The following CCN4 variants were observed in gnomAD, a reference collection of about 807,000 sequenced individuals.
CCN4 encodes the protein CCN family member 4.
In CCN4, 30 loss-of-function variants were observed where a neutral mutation model predicts 36.7. The observed-to-expected ratio is 0.82, with a 90% CI of 0.61 to 1.11. CCN4 has a LOEUF of 1.11. Among genes scored for constraint, CCN4 ranks in the 50% least tolerant of loss-of-function variants. The pLI is 0.00. For synonymous variants in CCN4, 191 were observed against 195.4 expected, an observed-to-expected ratio of 0.98 and a Z score of 0.19; for missense variants, 505 against 504.9, an observed-to-expected ratio of 1.00 and a Z score of 0.00.
intron 1 of CCN4, among the ~76,000 whole-genome samples, chr8:133,197,133 T>C (rs536417146): frequency 6.6e-6 from 1 of 152,034 alleles, no homozygotes; most frequent in Admixed American, 6.6e-5. Context: ...AGGTGAGATG[T>C]GTATCTTACT....
rs549546228 is a variant in CCN4, at chr8:133,230,557, T to C, written c.*2847T>C. ...CTGGAAAAGACCTGAATGACACCTA[T>C]TGGAGAATTACATCTACAAGGGGCT... On this transcript the variant is annotated 3_prime_UTR_variant, in exon 5 of 5. Transcript: ENST00000250160. 1.3e-5 allele frequency: 2 copies of C among 152,308 alleles called. No homozygotes were observed. Among genetic ancestry groups the C allele is most frequent in the South Asian group, 2.1e-4 (1 of 4,824 alleles). 9.4% of individuals were successfully genotyped at this position (152,308 alleles called of 1,614,324 possible).
intron 1 of CCN4, among the ~76,000 whole-genome samples, chr8:133,202,235 C>T (rs1853612703): frequency 1.3e-5 from 2 of 152,200 alleles, no homozygotes; most frequent in Non-Finnish European, 2.9e-5. Context: ...CCCTTAAGTT[C>T]TTCACCTCCC....
intron 1 of CCN4, among the ~76,000 whole-genome samples, chr8:133,191,601 C>G (rs552643680): frequency 6.6e-6 from 1 of 152,054 alleles, no homozygotes; most frequent in African/African-American, 2.4e-5. Flanking sequence ...CGTAAAGCGA[C>G]GAAGTTGTTA....
At chr8:133,202,610 C>T (rs1399537638) in intron 1 of CCN4, among the ~76,000 whole-genome samples, 2 of 152,232 alleles carry the variant, frequency 1.3e-5, no homozygotes, top group Non-Finnish European at 1.5e-5. Context: ...AAACCTTCTA[C>T]ATCCCATAAC....
rs368398252 is a variant in CCN4, at chr8:133,227,499, C to A, written c.893C>A (p.Pro298His). ...TGCATCAGCACACGCTCCTATCAAC[C>A]CAAGTACTGTGGAGTTTGCATGGAC... ...AGCISTRSYQ[P>H]KYCGVCMDNR... Residue 298 changes from proline (P) to histidine (H), a missense_variant, in exon 5 of 5, where the codon CCC becomes CAC. Physicochemically the swap from Pro to His is moderately conservative, Grantham distance 77. Coordinates refer to ENST00000250160, the MANE Select transcript of CCN4 (RefSeq NM_003882.4). The A allele has an allele frequency of 1.9e-6, 3 of 1,614,088 alleles. No homozygotes were observed. The African/African-American group carries it at 4.0e-5, about 22-fold the overall frequency.
At position 133,213,053 on chromosome 8, in the gene CCN4, T is replaced by C; in HGVS notation, c.259T>C (p.Cys87Arg). 1.2e-6 allele frequency: 2 copies of C among 1,614,136 alleles called. No homozygotes were observed. The highest frequency in any genetic ancestry group is 2.2e-5 in the East Asian group (1 of 44,870). The change falls in exon 2 of 5, where the codon TGC (cysteine) becomes CGC (arginine). Residue 87 changes from cysteine to arginine, a missense_variant. Physicochemically the swap from Cys to Arg is radical, Grantham distance 180. Transcript: ENST00000250160. ...KMCAQQLGDN[C>R]TEAAICDPHR... ...GTGCGCTCAGCAGCTTGGGGACAACTGCACGGAGGCTGCCATCTGTGACCC... is the reference window on the plus strand; with the variant it reads ...GTGCGCTCAGCAGCTTGGGGACAACCGCACGGAGGCTGCCATCTGTGACCC...
rs1304196659 is a variant in CCN4 at position 133,229,862 on chromosome 8, G to T, written c.*2152G>T. 1.3e-5 allele frequency: 2 copies of T among 152,232 alleles called. No homozygotes were observed. The highest frequency in any genetic ancestry group is 3.8e-4 in the East Asian group (2 of 5,202). The allele number at this position is 152,232 out of a possible 1,614,324, so 9.4% of individuals were successfully genotyped here. A position where few individuals can be genotyped will look rare whatever the true frequency, so the allele number is the denominator to read the frequency against. On this transcript the variant is annotated 3_prime_UTR_variant, in exon 5 of 5. Transcript: ENST00000250160. ...TATACATATATTTGTGTATGCGTAT[G>T]CAAGAATTCTTGTATAAAGAGAATT... is the stretch of plus-strand genomic sequence containing the variant.
chr8:133,219,671 A>G (rs1030004307), intron 2 of CCN4, among the ~76,000 whole-genome samples: 1 of 152,250 alleles, frequency 6.6e-6, no homozygotes, highest in Non-Finnish European at 1.5e-5. Flanking sequence ...AAAATATAGT[A>G]ATTCTCGATC....
chr8:133,216,295 C>T (rs1854319388), intron 2 of CCN4, among the ~76,000 whole-genome samples: 1 of 152,230 alleles, frequency 6.6e-6, no homozygotes, highest in East Asian at 1.9e-4. Flanking sequence ...TAAAGATTTG[C>T]ATGTAATTAG....
intron 3 of CCN4, among the ~76,000 whole-genome samples, chr8:133,223,122 C>T (rs746134659): frequency 7.2e-5 from 11 of 152,078 alleles, no homozygotes; most frequent in South Asian, 2.1e-4. Flanking sequence ...TAGGAGGAGG[C>T]GTGGAGGAAA....
In CCN4 at chr8:133,225,498, A is replaced by G; in HGVS notation, c.719A>G (p.Asn240Ser). The change falls in exon 4 of 5, where the codon AAT becomes AGT. Residue 240 changes from asparagine to serine, a missense_variant. Transcript: ENST00000250160. ...CGLGVSTRIS[N>S]VNAQCWPEQE... Reference sequence around the variant, plus strand: ...CTGGGGGTCTCCACTCGGATCTCCAATGTTAACGCCCAGTGCTGGCCTGAG... The same window carrying G: ...CTGGGGGTCTCCACTCGGATCTCCAGTGTTAACGCCCAGTGCTGGCCTGAG... 2.5e-6 allele frequency: 4 copies of G among 1,614,040 alleles called. No homozygotes were observed. The highest frequency in any genetic ancestry group is 2.2e-5 in the East Asian group (1 of 44,880).
chr8:133,207,607 T>C (rs1382422061), intron 1 of CCN4, among the ~76,000 whole-genome samples: 2 of 152,224 alleles, frequency 1.3e-5, no homozygotes, highest in South Asian at 2.1e-4. Context: ...TTAACCTCTC[T>C]GTGCCTCTGT....
intron 1 of CCN4, among the ~76,000 whole-genome samples, chr8:133,204,427 C>T (rs563237779): frequency 1.3e-5 from 2 of 152,302 alleles, no homozygotes; most frequent in South Asian, 4.1e-4. Context: ...AAAATCTCCA[C>T]ACTTTTCTCT....
In CCN4 at chr8:133,208,929, G is replaced by T. The variant is rs552522124; in HGVS notation, c.70-3935G>T. 1.1e-3 allele frequency among the ~76,000 whole-genome samples: 166 copies of T among 152,322 alleles called. 4 individuals carry two copies. Among genetic ancestry groups the T allele is most frequent in the South Asian group, 1.0e-3 (5 of 4,818 alleles). On this transcript the variant is annotated intron_variant, in intron 1 of 4. Transcript: ENST00000250160. ...GAAAGGGAGAATGAATAAATGAGTG[G>T]ATGCCATTGTTATAGCATTGATTGC...
intron 2 of CCN4, among the ~76,000 whole-genome samples, chr8:133,215,195 A>G (rs763779430): frequency 6.6e-6 from 1 of 152,156 alleles, no homozygotes; most frequent in Non-Finnish European, 1.5e-5. Flanking sequence ...CTTGAGCCCC[A>G]CCCCAGACTT....
At position 133,213,012 on chromosome 8, in the gene CCN4, G is replaced by A; in HGVS notation, c.218G>A (p.Cys73Tyr). The A allele has an allele frequency of 3.1e-6, 5 of 1,614,200 alleles. No homozygotes were observed. The highest frequency in any genetic ancestry group is 4.2e-6 in the Non-Finnish European group (5 of 1,180,014). Reference protein sequence around the residue: ...PLGVSLITDGCECCKMCAQQL... With the variant: ...PLGVSLITDGYECCKMCAQQL... ...GGGGTCAGCCTCATCACAGATGGCTGTGAGTGCTGTAAGATGTGCGCTCAG... is the reference window on the plus strand; with the variant it reads ...GGGGTCAGCCTCATCACAGATGGCTATGAGTGCTGTAAGATGTGCGCTCAG... Residue 73 changes from cysteine (C) to tyrosine (Y), a missense_variant, in exon 2 of 5, where the codon TGT becomes TAT. Transcript: ENST00000250160.
intron 1 of CCN4, among the ~76,000 whole-genome samples, chr8:133,203,894 G>T (rs1853674182): frequency 6.6e-6 from 1 of 152,184 alleles, no homozygotes; most frequent in African/African-American, 2.4e-5. Context: ...ATACTGATAT[G>T]CAAACGTCAA....
At chr8:133,222,351 A>G (rs1395918207) in intron 3 of CCN4, among the ~76,000 whole-genome samples, 1 of 152,210 alleles carries the variant, frequency 6.6e-6, no homozygotes, top group Admixed American at 6.5e-5. Flanking sequence ...CTAGGATCAA[A>G]TACAAGAGAA....
chr8:133,205,562 T>A (rs932754833), intron 1 of CCN4, among the ~76,000 whole-genome samples: 1 of 152,146 alleles, frequency 6.6e-6, no homozygotes, highest in Non-Finnish European at 1.5e-5. Context: ...AGGTAGCTCA[T>A]GGTGGGTAAG....
Sources: allele counts gnomAD v4.1 joint callset (sites outside exome capture counted in the v4.1 genomes callset), GRCh38; gene constraint gnomAD v4.1.1; transcripts MANE v1.5; gene names NCBI Gene and HGNC (gene_info 2026-07-23, HGNC 2026-07-21).